AKAP6: variants seen among roughly 807,000 people sequenced by gnomAD.
The protein encoded by AKAP6 is A-kinase anchor protein 6.
A neutral mutation model predicts 188.5 loss-of-function variants in AKAP6; 58 were observed. That is an observed-to-expected ratio of 0.31 (90% CI 0.25 to 0.38). The LOEUF is 0.38. Ranked by LOEUF, AKAP6 falls within the 10% of genes least tolerant of loss-of-function variation. The pLI is 1.00. For synonymous variants in AKAP6, 989 were observed against 998.6 expected, an observed-to-expected ratio of 0.99 and a Z score of 0.18; for missense variants, 2,710 against 2,740.0, an observed-to-expected ratio of 0.99 and a Z score of 0.24.
At chr14:32,775,252 C>T (rs372510282) in intron 12 of AKAP6, among the ~76,000 whole-genome samples, 16 of 152,120 alleles carry the variant, frequency 1.1e-4, no homozygotes, top group African/African-American at 3.1e-4. Flanking sequence ...AGCCTGTAAT[C>T]GTGGTAGTGG....
At chr14:32,588,217 TTCTA>T (rs1885336284) in intron 5 of AKAP6, among the ~76,000 whole-genome samples, 1 of 152,238 alleles carries the variant, frequency 6.6e-6, no homozygotes, top group Non-Finnish European at 1.5e-5. Flanking sequence ...AACTGGCTTT[TTCTA>T]TCTAAATATG....
At chr14:32,827,381 G>T (rs2034701520) in intron 13 of AKAP6, among the ~76,000 whole-genome samples, 1 of 151,014 alleles carries the variant, frequency 6.6e-6, no homozygotes, top group African/African-American at 2.4e-5. Context: ...TAAGTTTTCA[G>T]ATGATGAAAT....
At chr14:32,405,498 C>A (rs192072193) in intron 1 of AKAP6, among the ~76,000 whole-genome samples, 1 of 152,198 alleles carries the variant, frequency 6.6e-6, no homozygotes, top group East Asian at 1.9e-4. Context: ...CATGTATAAT[C>A]TCAAATTTTC....
chr14:32,405,629 C>T (rs893678650), intron 1 of AKAP6, among the ~76,000 whole-genome samples: 2 of 152,138 alleles, frequency 1.3e-5, no homozygotes, highest in African/African-American at 2.4e-5. Flanking sequence ...CAAATCCCCA[C>T]GTGTCAATGG....
intron 7 of AKAP6, among the ~76,000 whole-genome samples, chr14:32,617,367 ACT>A (rs1395751782): frequency 6.7e-6 from 1 of 148,998 alleles, no homozygotes; most frequent in Non-Finnish European, 1.5e-5. Context: ...TACCAAAATG[ACT>A]CTCAATTTTA....
intron 1 of AKAP6, among the ~76,000 whole-genome samples, chr14:32,358,489 G>GT (rs1849133702): frequency 6.6e-6 from 1 of 152,084 alleles, no homozygotes; most frequent in African/African-American, 2.4e-5. Context: ...TATTTCCCTT[G>GT]TTTTTTTCCC....
chr14:32,776,402 T>C (rs997833657), intron 12 of AKAP6, among the ~76,000 whole-genome samples: 1 of 152,208 alleles, frequency 6.6e-6, no homozygotes, highest in Non-Finnish European at 1.5e-5. Flanking sequence ...TCTGCTGCCA[T>C]GTAAGATGTG....
intron 1 of AKAP6, among the ~76,000 whole-genome samples, chr14:32,423,984 G>T (rs924672621): frequency 1.3e-5 from 2 of 152,122 alleles, no homozygotes; most frequent in Non-Finnish European, 2.9e-5. Flanking sequence ...TGATCCAAAA[G>T]TCAAACTTGT....
intron 12 of AKAP6, among the ~76,000 whole-genome samples, chr14:32,806,241 C>G (rs538097774): frequency 6.6e-6 from 1 of 152,296 alleles, no homozygotes; most frequent in East Asian, 1.9e-4. Flanking sequence ...ATAGATGAGA[C>G]AGTAGTTATT....
intron 2 of AKAP6, among the ~76,000 whole-genome samples, chr14:32,520,737 G>A (rs1024553770): frequency 2.0e-5 from 3 of 152,100 alleles, no homozygotes; most frequent in East Asian, 3.8e-4. Context: ...AGGACCAGAC[G>A]CGTTCATAGC....
At chr14:32,664,629 T>G (rs1888842261) in intron 7 of AKAP6, among the ~76,000 whole-genome samples, 1 of 152,150 alleles carries the variant, frequency 6.6e-6, no homozygotes, top group Non-Finnish European at 1.5e-5. Flanking sequence ...ACACGCATGC[T>G]CTTTTCACCT....
intron 2 of AKAP6, among the ~76,000 whole-genome samples, chr14:32,463,524 C>T (rs553435304): frequency 6.6e-6 from 1 of 152,228 alleles, no homozygotes; most frequent in Admixed American, 6.5e-5. Flanking sequence ...GAAATTAAGG[C>T]AGAAATAAAT....
chr14:32,734,488 T>C (rs1292360320), intron 10 of AKAP6: 1 of 152,116 alleles, frequency 6.6e-6, no homozygotes, highest in African/African-American at 2.4e-5. Flanking sequence ...TTAAATGAAA[T>C]TGATGTCCTC....
chr14:32,420,909 T>TTGTGTGTGTGTGTGTGTGTG (rs71432053), intron 1 of AKAP6, among the ~76,000 whole-genome samples: 393 of 146,498 alleles, frequency 2.7e-3, no homozygotes, highest in South Asian at 3.8e-3. Context: ...GGAGATTGAT[T>TTGTGTGTGTGTGTGTGTGTG]TGTGTGTGTG....
chr14:32,543,431 T>A (rs1883053556), intron 3 of AKAP6, among the ~76,000 whole-genome samples: 1 of 152,234 alleles, frequency 6.6e-6, no homozygotes, highest in Non-Finnish European at 1.5e-5. Flanking sequence ...CACATTTTCT[T>A]TATCCATTCA....
At chr14:32,678,539 G>T in intron 8 of AKAP6, 80 bp downstream of exon 8, 1 of 1,522,180 alleles carries the variant, frequency 6.6e-7, no homozygotes, top group South Asian at 1.2e-5. Context: ...TGTTAGGAAG[G>T]TATTTCCTCT....
At chr14:32,408,934 T>C (rs1192836350) in intron 1 of AKAP6, among the ~76,000 whole-genome samples, 1 of 152,194 alleles carries the variant, frequency 6.6e-6, no homozygotes, top group Non-Finnish European at 1.5e-5. Flanking sequence ...CTCACCCCTA[T>C]ATCGCCTGTA....
intron 1 of AKAP6, among the ~76,000 whole-genome samples, chr14:32,349,870 A>G (rs888220726): frequency 2.0e-5 from 3 of 152,312 alleles, no homozygotes; most frequent in Non-Finnish European, 4.4e-5. Flanking sequence ...GAATGTAAGG[A>G]AATGTTCAAA....
At chr14:32,807,873 T>G (rs2034129811) in intron 12 of AKAP6, among the ~76,000 whole-genome samples, 1 of 152,230 alleles carries the variant, frequency 6.6e-6, no homozygotes, top group African/African-American at 2.4e-5. Context: ...CATAACTAGA[T>G]TCACCTATGT....
Sources: allele counts gnomAD v4.1 joint callset (sites outside exome capture counted in the v4.1 genomes callset), GRCh38; gene constraint gnomAD v4.1.1; transcripts MANE v1.5; gene names NCBI Gene and HGNC (gene_info 2026-07-23, HGNC 2026-07-21).